Variants in RASD2 observed in about 807,000 individuals in gnomAD.
The protein encoded by RASD2 is GTP-binding protein Rhes.
Under a neutral mutation model 15.8 loss-of-function variants are expected in RASD2, and 7 were observed. That is an observed-to-expected ratio of 0.44 (90% confidence interval 0.25 to 0.83). The LOEUF (loss-of-function observed/expected upper bound fraction) is 0.83. Among genes scored for constraint, RASD2 ranks in the 40% least tolerant of loss-of-function variants. The probability of loss-of-function intolerance (pLI) is 0.20; values close to 1 mark genes in which losing one functional copy is unlikely to be tolerated. For synonymous variants in RASD2, 155 were observed against 153.6 expected (o/e 1.01, Z -0.07); for missense variants, 274 against 382.8 (o/e 0.72, Z 2.37).
chr22:35,542,283 C>A (rs1240055256), intron 1 of RASD2, among the ~76,000 whole-genome samples: 1 of 152,210 alleles, frequency 6.6e-6, no homozygotes, highest in East Asian at 1.9e-4. Flanking sequence ...CCAGGCTGCT[C>A]TAGGCAGCCC....
Position 35,553,256 on chromosome 22 carries a change from C to A in RASD2, c.*1224C>A, listed in dbSNP as rs953996641. On this transcript the variant is annotated 3_prime_UTR_variant, in exon 3 of 3. Coordinates refer to ENST00000216127, the MANE Select transcript of RASD2 (RefSeq NM_014310.4). ...ACAGCGGTGGGGAGGCGGGGAGGAG[C>A]AGCTGGGACCCAGAACTGAGCCTGG... 6.6e-6 allele frequency: 1 copy of A among 152,378 alleles called. No homozygotes were observed. The highest frequency in any genetic ancestry group is 6.6e-5 in the Admixed American group (1 of 15,266). The allele number at this position is 152,378 out of a possible 1,614,324, so 9.4% of individuals were successfully genotyped here. A position where few individuals can be genotyped will look rare whatever the true frequency, so the allele number is the denominator to read the frequency against.
Position 35,541,015 on chromosome 22 carries a change from C to G in RASD2, c.-495C>G, listed in dbSNP as rs1222527159. On this transcript the variant is annotated 5_prime_UTR_variant, in exon 1 of 3. Coordinates refer to ENST00000216127, the MANE Select transcript of RASD2 (RefSeq NM_014310.4). ...AGGCGGAGAAGGTGGCATAGGCGAC[C>G]AGGAGGGTTCGCCCACCTGGGACAC... The G allele has an allele frequency of 6.6e-6, 1 of 152,332 alleles. No homozygotes were observed. The highest frequency in any genetic ancestry group is 2.4e-5 in the African/African-American group (1 of 41,384). 9.4% of individuals were successfully genotyped at this position (152,332 alleles called of 1,614,324 possible).
upstream of RASD2, among the ~76,000 whole-genome samples, chr22:35,536,462 A>T (rs1934249578): frequency 6.6e-6 from 1 of 151,880 alleles, no homozygotes; most frequent in African/African-American, 2.4e-5. Context: ...AGTAGCTGGG[A>T]CTACAGGCGC....
In RASD2 at chr22:35,551,730, G is replaced by A. The variant is rs1221396675; in HGVS notation, c.499G>A (p.Ala167Thr). 6.2e-6 allele frequency: 10 copies of A among 1,613,700 alleles called. No individual in the cohort carries two copies. The Admixed American group carries it at 1.0e-4, about 16-fold the overall frequency. ...GCTGGTGTCGGGCGACGAGAACTGC[G>A]CCTACTTCGAGGTGTCGGCCAAGAA... Reference protein sequence around the residue: ...ELLVSGDENCAYFEVSAKKNT... With the variant: ...ELLVSGDENCTYFEVSAKKNT... The change falls in exon 3 of 3, where the codon GCC becomes ACC. Residue 167 changes from alanine to threonine, a missense_variant. Ala to Thr is a moderately conservative substitution (Grantham distance 58). Coordinates refer to ENST00000216127, the MANE Select transcript of RASD2 (RefSeq NM_014310.4). This position sits in a 1 kb window ranked among gnomAD's most constrained non-coding sequence, Gnocchi z 4.9.
intron 1 of RASD2, among the ~76,000 whole-genome samples, chr22:35,542,562 G>T (rs892904196): frequency 6.6e-6 from 1 of 152,216 alleles, no homozygotes; most frequent in African/African-American, 2.4e-5. Flanking sequence ...GGGTGGTGGG[G>T]TTGGCTTTGC....
At chr22:35,547,926 T>G (rs1160674107) in intron 2 of RASD2, among the ~76,000 whole-genome samples, 1 of 152,248 alleles carries the variant, frequency 6.6e-6, no homozygotes, top group Non-Finnish European at 1.5e-5. Flanking sequence ...CATGTAGTTA[T>G]TTAACCCTCA....
upstream of RASD2, among the ~76,000 whole-genome samples, chr22:35,536,386 C>A (rs1008284063): frequency 6.6e-6 from 1 of 150,482 alleles, no homozygotes; most frequent in Non-Finnish European, 1.5e-5. Flanking sequence ...AGGGCAGTGG[C>A]GCAATCTTGG....
At chr22:35,548,906 C>A (rs116238066) in intron 2 of RASD2, among the ~76,000 whole-genome samples, 3 of 152,152 alleles carry the variant, frequency 2.0e-5, no homozygotes, top group East Asian at 3.9e-4. Flanking sequence ...AGGCTTGTGG[C>A]GGGAGCTTCC....
chr22:35,537,835 G>A (rs1934264724), upstream of RASD2, among the ~76,000 whole-genome samples: 1 of 152,202 alleles, frequency 6.6e-6, no homozygotes, highest in East Asian at 1.9e-4. Flanking sequence ...TAGAGACCCG[G>A]AAGTGATTTG....
Position 35,547,059 on chromosome 22 carries a change from C to T in RASD2, c.250C>T (p.Arg84Cys). Reference protein sequence around the residue: ...TSGNHPFPAMRRLSILTGDVF... With the variant: ...TSGNHPFPAMCRLSILTGDVF... ...TGGCAACCACCCCTTCCCCGCCATGCGCAGGCTGTCCATCCTCACAGGTGA... is the reference window on the plus strand; with the variant it reads ...TGGCAACCACCCCTTCCCCGCCATGTGCAGGCTGTCCATCCTCACAGGTGA... The change falls in exon 2 of 3, where the codon CGC (arginine) becomes TGC (cysteine). Residue 84 changes from arginine (R) to cysteine (C), a missense_variant. Arg to Cys is a radical substitution (Grantham distance 180). Transcript: ENST00000216127. 1.9e-6 allele frequency: 3 copies of T among 1,613,550 alleles called. No homozygotes were observed. Among genetic ancestry groups the T allele is most frequent in the Admixed American group, 1.7e-5 (1 of 60,012 alleles).
Position 35,551,744 on chromosome 22 carries a change from G to C in RASD2, c.513G>C (p.Val171=). The change falls in exon 3 of 3, where the codon GTG becomes GTC. Residue 171 remains valine, a synonymous_variant. Coordinates refer to ENST00000216127, the MANE Select transcript of RASD2 (RefSeq NM_014310.4). This position sits in a 1 kb window ranked among gnomAD's most constrained non-coding sequence, Gnocchi z 4.9. ...SGDENCAYFE[V]SAKKNTNVDE... ...ACGAGAACTGCGCCTACTTCGAGGTGTCGGCCAAGAAGAACACCAACGTGG... is the reference window on the plus strand; with the variant it reads ...ACGAGAACTGCGCCTACTTCGAGGTCTCGGCCAAGAAGAACACCAACGTGG... 1 of 1,613,996 alleles carries C rather than the reference G, an allele frequency of 6.2e-7. No individual in the cohort carries two copies. The highest frequency in any genetic ancestry group is 8.5e-7 in the Non-Finnish European group (1 of 1,179,994).
intron 1 of RASD2, among the ~76,000 whole-genome samples, chr22:35,544,041 C>T (rs1465590922): frequency 2.0e-5 from 3 of 151,848 alleles, no homozygotes; most frequent in African/African-American, 4.8e-5. Flanking sequence ...TCTTTGACTC[C>T]CTGCCTCCTC....
At chr22:35,540,653 G>A (rs1037872956), upstream of RASD2, among the ~76,000 whole-genome samples, 1 of 152,180 alleles carries the variant, frequency 6.6e-6, no homozygotes, top group South Asian at 2.1e-4. Context: ...CGCCCTGCGG[G>A]TGACAGTGGG....
chr22:35,547,290 A>C (rs1003230830), intron 2 of RASD2, among the ~76,000 whole-genome samples: 1 of 152,236 alleles, frequency 6.6e-6, no homozygotes, highest in Non-Finnish European at 1.5e-5. Flanking sequence ...CTCCAGATCG[A>C]TTACTCATGG....
rs1473977732 is a variant in RASD2 at position 35,552,067 on chromosome 22, T to C, written c.*35T>C. 6.4e-7 allele frequency: 1 copy of C among 1,567,588 alleles called. No homozygotes were observed. Among genetic ancestry groups the C allele is most frequent in the South Asian group, 1.1e-5 (1 of 87,430 alleles). ...GCTGGGGCGGGGCTTGGCCAGTGCC[T>C]TCAGGGAGGTGGCCCCAGATGCCCA... On this transcript the variant is annotated 3_prime_UTR_variant, in exon 3 of 3. Coordinates refer to ENST00000216127, the MANE Select transcript of RASD2 (RefSeq NM_014310.4).
chr22:35,538,757 G>A (rs60929220), upstream of RASD2, among the ~76,000 whole-genome samples: 2,052 of 152,320 alleles, frequency 0.013, 55 homozygotes, highest in African/African-American at 0.047. Context: ...TTTCCGTGAT[G>A]GAGGTGGCAG....
chr22:35,547,675 C>T (rs4821414), intron 2 of RASD2, among the ~76,000 whole-genome samples: 13,206 of 152,224 alleles, frequency 0.087, 651 homozygotes, highest in Non-Finnish European at 0.11. Context: ...AGTGCAGTGG[C>T]GCGATCTCGG....
At chr22:35,538,886 T>G (rs1934283461), upstream of RASD2, among the ~76,000 whole-genome samples, 1 of 152,230 alleles carries the variant, frequency 6.6e-6, no homozygotes, top group Non-Finnish European at 1.5e-5. Flanking sequence ...GTGTGTGTCA[T>G]GCCCAGCACA....
the RASD2 span, among the ~76,000 whole-genome samples, chr22:35,533,392 C>T: frequency 2.6e-5 from 4 of 152,164 alleles, no homozygotes; most frequent in Non-Finnish European, 5.9e-5. Context: ...GGGCCCAGGC[C>T]AAGGGACTCA....
Sources: gnomAD v4.1 joint callset for allele counts (sites outside exome capture counted in the v4.1 genomes callset) on GRCh38, gnomAD v4.1.1 for gene constraint, Gnocchi (gnomAD v3.1) non-coding constraint, MANE v1.5 for transcripts, NCBI Gene and HGNC (gene_info 2026-07-23, HGNC 2026-07-21) for gene names.